The following FER1L6 variants were observed in gnomAD, a reference collection of about 807,000 sequenced individuals.
The protein encoded by FER1L6 is fer-1-like protein 6.
In FER1L6, 177 loss-of-function variants were observed where a neutral mutation model predicts 219.2. The observed-to-expected ratio is 0.81, with a 90% CI of 0.71 to 0.91. FER1L6 has a LOEUF of 0.91. Ranked by LOEUF, FER1L6 falls within the 40% of genes least tolerant of loss-of-function variation. The probability of loss-of-function intolerance (pLI) is 0.00; values close to 1 mark genes in which losing one functional copy is unlikely to be tolerated. For synonymous variants in FER1L6, 768 were observed against 824.3 expected, an observed-to-expected ratio of 0.93 and a Z score of 1.17; for missense variants, 2,153 against 2,259.9, an observed-to-expected ratio of 0.95 and a Z score of 0.96.
intron 27 of FER1L6, among the ~76,000 whole-genome samples, chr8:124,067,277 T>C (rs945584019): frequency 1.3e-5 from 2 of 152,162 alleles, no homozygotes; most frequent in Non-Finnish European, 2.9e-5. Context: ...AAAAAGCAAA[T>C]GTTAGTCCCT....
At chr8:123,876,225 GC>G (rs1374599225) in intron 1 of FER1L6, among the ~76,000 whole-genome samples, 2 of 152,002 alleles carry the variant, frequency 1.3e-5, no homozygotes, top group African/African-American at 4.8e-5. Context: ...CTTTCTCAGG[GC>G]CTTGCACTGG....
intron 1 of FER1L6, among the ~76,000 whole-genome samples, chr8:123,950,302 A>C (rs1814699483): frequency 6.6e-6 from 1 of 152,210 alleles, no homozygotes; most frequent in Non-Finnish European, 1.5e-5. Context: ...CAGTGACCTC[A>C]GGCTGAAAAA....
intron 1 of FER1L6, among the ~76,000 whole-genome samples, chr8:123,921,306 A>T (rs754960375): frequency 8.5e-5 from 13 of 152,108 alleles, no homozygotes; most frequent in Non-Finnish European, 1.9e-4. Flanking sequence ...TCCTGCCAAC[A>T]TTGTGCAAGG....
chr8:124,021,051 G>A (rs1818434117), intron 16 of FER1L6, among the ~76,000 whole-genome samples: 1 of 152,130 alleles, frequency 6.6e-6, no homozygotes, highest in South Asian at 2.1e-4. Flanking sequence ...TTACATGGTG[G>A]CAGGCAAGAG....
At chr8:124,049,828 CA>C in intron 22 of FER1L6, 72 bp downstream of exon 22, 1 of 1,474,674 alleles carries the variant, frequency 6.8e-7, no homozygotes, top group Non-Finnish European at 9.5e-7. Context: ...CCACAAATGC[CA>C]CTTCAATGAA....
chr8:123,966,449 C>T lies in FER1L6; in HGVS notation c.384+159C>T, dbSNP rs371001763. 2.5e-4 allele frequency among the ~76,000 whole-genome samples: 38 copies of T among 152,282 alleles called. 1 individual carries two copies. The South Asian group carries it at 7.5e-3, about 30-fold the overall frequency. On this transcript the variant is annotated intron_variant, in intron 5 of 40. Coordinates refer to ENST00000522917, the MANE Select transcript of FER1L6 (RefSeq NM_001039112.2). ...CTGATTCTTCTTACAAACACAGCCC[C>T]CTAAAGCTTTTCACAAAAGGGTAGT...
chr8:124,019,523 C>G (rs1257695782), intron 16 of FER1L6, among the ~76,000 whole-genome samples: 1 of 152,178 alleles, frequency 6.6e-6, no homozygotes, highest in Non-Finnish European at 1.5e-5. Context: ...AAGCATAGTG[C>G]CTGGTGTATA....
intron 31 of FER1L6, 64 bp from the exon 32 acceptor site, chr8:124,076,134 A>G: frequency 6.3e-7 from 1 of 1,592,718 alleles, no homozygotes; most frequent in East Asian, 2.2e-5. Context: ...GCACCAAGGT[A>G]ATCCCAGTGT....
chr8:123,983,395 A>T (rs1033757741), intron 11 of FER1L6, among the ~76,000 whole-genome samples: 3 of 152,210 alleles, frequency 2.0e-5, no homozygotes, highest in African/African-American at 7.2e-5. Flanking sequence ...GAACACACTG[A>T]CTAGCTTCTT....
intron 13 of FER1L6, among the ~76,000 whole-genome samples, chr8:124,004,521 G>A (rs1817571391): frequency 6.6e-6 from 1 of 152,034 alleles, no homozygotes; most frequent in Admixed American, 6.5e-5. Context: ...AGGATAACAG[G>A]GACTCCCAAA....
intron 1 of FER1L6, among the ~76,000 whole-genome samples, chr8:123,864,801 G>A (rs1286113707): frequency 5.3e-5 from 8 of 150,312 alleles, no homozygotes; most frequent in Admixed American, 1.3e-4. Flanking sequence ...CATTCTTCAC[G>A]TAGTTCTCAA....
intron 1 of FER1L6, among the ~76,000 whole-genome samples, chr8:123,933,868 C>A (rs1206219501): frequency 6.6e-6 from 1 of 152,056 alleles, no homozygotes; most frequent in Admixed American, 6.5e-5. Context: ...TGAGAATCTG[C>A]AGAAGCATTT....
At chr8:123,912,096 C>T (rs1030099972) in intron 1 of FER1L6, among the ~76,000 whole-genome samples, 1 of 152,134 alleles carries the variant, frequency 6.6e-6, no homozygotes, top group African/African-American at 2.4e-5. Flanking sequence ...TTACGTGGTA[C>T]TCATCAAAGT....
chr8:123,865,208 C>T (rs1816811820), intron 1 of FER1L6, among the ~76,000 whole-genome samples: 1 of 148,714 alleles, frequency 6.7e-6, no homozygotes, highest in Non-Finnish European at 1.5e-5. Context: ...CAGACAGGAC[C>T]CTCAGCTGCA....
chr8:123,918,931 C>T lies in FER1L6; in HGVS notation c.-7-37061C>T, dbSNP rs1681119783. ...TGGAGGAAAACACACCGGCCCCTGG[C>T]ATCCAAGGGCTCTCAGTCCAGCAGG... On this transcript the variant is annotated intron_variant, in intron 1 of 40. Coordinates refer to ENST00000522917, the MANE Select transcript of FER1L6 (RefSeq NM_001039112.2). Among the ~76,000 whole-genome samples, 5 of 152,232 alleles carry T rather than the reference C, an allele frequency of 3.3e-5. No individual in the cohort carries two copies. In the South Asian group the frequency reaches 8.3e-4, roughly 25 times the overall value.
At chr8:124,118,752 G>T in intron 39 of FER1L6, 92 bp from the exon 40 acceptor site, 1 of 1,069,972 alleles carries the variant, frequency 9.3e-7, no homozygotes, top group South Asian at 1.5e-5. Context: ...ATACTTTCTG[G>T]AATTCTCCAA....
At chr8:124,032,736 A>G (rs1214418642) in intron 18 of FER1L6, among the ~76,000 whole-genome samples, 1 of 134,962 alleles carries the variant, frequency 7.4e-6, no homozygotes, top group African/African-American at 2.7e-5. Flanking sequence ...GCGTGATTCT[A>G]TGGGGGCAGG....
chr8:123,932,773 C>A (rs192796821), intron 1 of FER1L6, among the ~76,000 whole-genome samples: 24 of 152,330 alleles, frequency 1.6e-4, no homozygotes, highest in Non-Finnish European at 1.5e-5. Context: ...ATTCATTGAG[C>A]ACCTGCATTT....
At chr8:123,948,798 T>C (rs116688702) in intron 1 of FER1L6, among the ~76,000 whole-genome samples, 3,418 of 151,620 alleles carry the variant, frequency 0.023, 133 homozygotes, top group African/African-American at 0.078. Flanking sequence ...TTTTTAAATA[T>C]CAGAGGACAT....
Sources: allele counts gnomAD v4.1 joint callset (sites outside exome capture counted in the v4.1 genomes callset), GRCh38; gene constraint gnomAD v4.1.1; transcripts MANE v1.5; gene names NCBI Gene and HGNC (gene_info 2026-07-23, HGNC 2026-07-21).